MPDZ: variants seen among roughly 807,000 people sequenced by gnomAD.
The protein encoded by MPDZ is multiple PDZ domain crumbs cell polarity complex component.
Under a neutral mutation model 239.1 loss-of-function variants are expected in MPDZ, and 234 were observed. The ratio of observed to expected loss-of-function variants is 0.98; its 90% CI spans 0.88 to 1.09. The LOEUF is 1.09. Ranked by LOEUF, MPDZ falls within the 50% of genes least tolerant of loss-of-function variation. The probability of loss-of-function intolerance (pLI) is 0.00; values close to 1 mark genes in which losing one functional copy is unlikely to be tolerated. For missense variants in MPDZ, 3,175 were observed against 2,510.0 expected (o/e 1.26, Z -5.66); for synonymous variants, 1,048 against 881.3 (o/e 1.19, Z -3.35).
At chr9:13,115,601 G>C (rs1053731486) in intron 39 of MPDZ, among the ~76,000 whole-genome samples, 1 of 151,422 alleles carries the variant, frequency 6.6e-6, no homozygotes, top group African/African-American at 2.4e-5. Context: ...AAAAGAAATG[G>C]AGAATTGAGC....
Position 13,223,720 on chromosome 9 carries a change from A to G in MPDZ, c.394-10T>C. On this transcript the variant is annotated splice_polypyrimidine_tract_variant and intron_variant, in intron 4 of 46. Coordinates refer to ENST00000319217, the MANE Select transcript of MPDZ (RefSeq NM_001378778.1). ...CTTCTACATGGCGACCCTGTTTAGG[A>G]AACAAAGCAAGAAATAAAACTAAAA... 1 of 1,579,370 alleles carries G rather than the reference A, an allele frequency of 6.3e-7. No homozygotes were observed. Among genetic ancestry groups the G allele is most frequent in the Non-Finnish European group, 8.6e-7 (1 of 1,162,376 alleles).
At chr9:13,110,228 T>TC in intron 44 of MPDZ, among the ~76,000 whole-genome samples, 164 bp from the exon 45 acceptor site, 1 of 152,226 alleles carries the variant, frequency 6.6e-6, no homozygotes, top group East Asian at 1.9e-4. Flanking sequence ...TTTCACAAGG[T>TC]CCAGAGGCTC....
intron 32 of MPDZ, among the ~76,000 whole-genome samples, chr9:13,128,100 T>C (rs909240844): frequency 1.3e-5 from 2 of 152,074 alleles, no homozygotes; most frequent in African/African-American, 4.8e-5. Context: ...ACCTCCATAT[T>C]CTCTCTTCCC....
chr9:13,166,684 T>C (rs932919384), intron 22 of MPDZ, among the ~76,000 whole-genome samples: 1 of 152,056 alleles, frequency 6.6e-6, no homozygotes, highest in African/African-American at 2.4e-5. Context: ...CTAAAGCAAG[T>C]ACTTATGAAG....
chr9:13,137,843 A>G (rs555472099), intron 29 of MPDZ, 114 bp downstream of exon 29: 3 of 1,094,262 alleles, frequency 2.7e-6, no homozygotes, highest in East Asian at 2.6e-5. Context: ...CTATTTTATT[A>G]AGCAAGCAAT....
At chr9:13,274,413 C>G (rs1303268417) in intron 1 of MPDZ, 1 of 151,350 alleles carries the variant, frequency 6.6e-6, no homozygotes, top group Non-Finnish European at 1.5e-5. Flanking sequence ...CTTTTGCAGA[C>G]ACAAATAAAA....
At chr9:13,215,347 GATAT>G (rs956415454) in intron 10 of MPDZ, among the ~76,000 whole-genome samples, 16 of 149,506 alleles carry the variant, frequency 1.1e-4, no homozygotes, top group Admixed American at 8.7e-4. Flanking sequence ...ATCACATTTT[GATAT>G]ATATATATCA....
intron 1 of MPDZ, among the ~76,000 whole-genome samples, chr9:13,277,874 T>C (rs998582047): frequency 3.3e-5 from 5 of 152,104 alleles, no homozygotes; most frequent in Non-Finnish European, 7.4e-5. Context: ...CAAGTTTTGC[T>C]AGGTTTTTAA....
In MPDZ at chr9:13,110,761, C is replaced by T. The variant is rs1183851770; in HGVS notation, c.5725-21G>A. The stretch of plus-strand genomic sequence containing the variant: ...CCAACCTGCAAGGGAGAGAAAGAAA[C>T]AGCCATCTGCTAAAGCAGCCATGGA... On this transcript the variant is annotated intron_variant, in intron 43 of 46. Transcript: ENST00000319217. The T allele has an allele frequency of 3.8e-6, 6 of 1,585,256 alleles. No homozygotes were observed. In the East Asian group the frequency reaches 6.7e-5, roughly 18 times the overall value.
chr9:13,111,108 T>A (rs1030528024), intron 43 of MPDZ, among the ~76,000 whole-genome samples: 3 of 152,222 alleles, frequency 2.0e-5, no homozygotes, highest in African/African-American at 7.2e-5. Context: ...GATGTGACTC[T>A]AAGTCGGAGG....
chr9:13,157,594 C>T (rs769325796), intron 24 of MPDZ, among the ~76,000 whole-genome samples: 3 of 151,970 alleles, frequency 2.0e-5, no homozygotes, highest in African/African-American at 7.2e-5. Context: ...ATAAACTCAG[C>T]CTGTGGTAAC....
At chr9:13,163,640 T>C (rs1158881793) in intron 22 of MPDZ, among the ~76,000 whole-genome samples, 1 of 152,114 alleles carries the variant, frequency 6.6e-6, no homozygotes, top group Non-Finnish European at 1.5e-5. Flanking sequence ...TAATGAATAG[T>C]AACATAAGAG....
intron 12 of MPDZ, among the ~76,000 whole-genome samples, chr9:13,204,021 C>G (rs1423183672): frequency 2.6e-5 from 4 of 152,140 alleles, no homozygotes; most frequent in Admixed American, 6.6e-5. Flanking sequence ...GATCTAACTT[C>G]TGGAATATCT....
chr9:13,174,334 G>A (rs993821818), intron 21 of MPDZ, among the ~76,000 whole-genome samples: 2 of 152,124 alleles, frequency 1.3e-5, no homozygotes, highest in Non-Finnish European at 2.9e-5. Context: ...TGGTGTCTAT[G>A]CATAGTGGAT....
intron 11 of MPDZ, 143 bp from the exon 12 acceptor site, chr9:13,205,250 A>C (rs999741436): frequency 4.3e-6 from 2 of 460,762 alleles, no homozygotes; most frequent in African/African-American, 4.1e-5. Context: ...ATGTACTTAA[A>C]GGCAAGTTCT....
chr9:13,159,723 C>G (rs995460767), intron 23 of MPDZ, among the ~76,000 whole-genome samples: 2 of 152,066 alleles, frequency 1.3e-5, no homozygotes, highest in Non-Finnish European at 2.9e-5. Flanking sequence ...TTTTTAGGTA[C>G]AAGAAGATAA....
At chr9:13,206,155 T>A (rs1451852808) in intron 10 of MPDZ, 56 bp from the exon 11 acceptor site, 1 of 1,473,482 alleles carries the variant, frequency 6.8e-7, no homozygotes, top group Non-Finnish European at 9.1e-7. Context: ...GATATTTGTA[T>A]TACCAATTCA....
chr9:13,233,733 A>G (rs1277761294), intron 3 of MPDZ, among the ~76,000 whole-genome samples: 1 of 152,204 alleles, frequency 6.6e-6, no homozygotes, highest in Non-Finnish European at 1.5e-5. Flanking sequence ...ACGCCTCTTA[A>G]AGAAGGCAAG....
intron 3 of MPDZ, among the ~76,000 whole-genome samples, 170 bp downstream of exon 3, chr9:13,247,465 T>C (rs1408704880): frequency 3.9e-5 from 6 of 152,140 alleles, no homozygotes; most frequent in African/African-American, 7.2e-5. Flanking sequence ...ATTACAAAAA[T>C]AACTAGGAGG....
Sources: gnomAD v4.1 joint callset for allele counts (sites outside exome capture counted in the v4.1 genomes callset) on GRCh38, gnomAD v4.1.1 for gene constraint, MANE v1.5 for transcripts, NCBI Gene and HGNC (gene_info 2026-07-23, HGNC 2026-07-21) for gene names.